The following COL5A1 variants were observed in gnomAD, a reference collection of about 807,000 sequenced individuals.
COL5A1 encodes the protein collagen alpha-1(V) chain.
A neutral mutation model predicts 263.7 loss-of-function variants in COL5A1; 16 were observed. The ratio of observed to expected loss-of-function variants is 0.06; its 90% CI spans 0.04 to 0.09. The LOEUF (loss-of-function observed/expected upper bound fraction) is 0.09, where lower values mean the gene tolerates loss of function less well. COL5A1 is among the 10% of genes least tolerant of loss of function. The pLI, the probability that COL5A1 is intolerant of heterozygous loss-of-function variation, is 1.00. For missense variants in COL5A1, 2,036 were observed against 2,540.5 expected (o/e 0.80, Z 4.27); for synonymous variants, 1,012 against 1,004.5 (o/e 1.01, Z -0.14).
rs1209561820 is a variant in COL5A1 at position 134,728,453 on chromosome 9, C to G, written c.787-217C>G. Among the ~76,000 whole-genome samples, 5 of 152,218 alleles carry G rather than the reference C, an allele frequency of 3.3e-5. No homozygotes were observed. In the South Asian group the frequency reaches 1.0e-3, roughly 32 times the overall value. ...TGACTGCTCGAGGGGACCTGGTGTTCCCCCTGCTTTCTCTCTTGTGCTTCT... is the reference window on the plus strand; with the variant it reads ...TGACTGCTCGAGGGGACCTGGTGTTGCCCCTGCTTTCTCTCTTGTGCTTCT... On this transcript the variant is annotated intron_variant, in intron 5 of 65. Coordinates refer to ENST00000371817, the MANE Select transcript of COL5A1 (RefSeq NM_000093.5).
chr9:134,738,346 T>A, intron 9 of COL5A1, 128 bp from the exon 10 acceptor site: 1 of 1,015,380 alleles, frequency 9.8e-7, no homozygotes, highest in Non-Finnish European at 1.5e-6. Flanking sequence ...TGCTCGTGAC[T>A]CCCCAGGACA....
chr9:134,726,157 G>A (rs1304818546), intron 4 of COL5A1, among the ~76,000 whole-genome samples: 1 of 152,236 alleles, frequency 6.6e-6, no homozygotes, highest in Non-Finnish European at 1.5e-5. Flanking sequence ...GCGGGTGAGA[G>A]TGCAGGCTGT....
At chr9:134,810,580 T>C in intron 44 of COL5A1, 1 of 476,180 alleles carries the variant, frequency 2.1e-6, no homozygotes. Context: ...CCTAGAGGGC[T>C]TGGGTTCTGC....
At chr9:134,768,171 C>T (rs915558956) in intron 24 of COL5A1, among the ~76,000 whole-genome samples, 5 of 152,308 alleles carry the variant, frequency 3.3e-5, no homozygotes, top group Non-Finnish European at 5.9e-5. Flanking sequence ...AATGGGGGCA[C>T]TTGGTGGACT....
In COL5A1 at chr9:134,730,400, C is replaced by T. The variant is rs773870913; in HGVS notation, c.1089C>T (p.Asn363=). The T allele has an allele frequency of 1.2e-6, 2 of 1,614,222 alleles. No individual in the cohort carries two copies. Among genetic ancestry groups the T allele is most frequent in the Admixed American group, 3.3e-5 (2 of 60,034 alleles). ...DDLTYGEGEE[N]PDQPTDPGAG... ...TCACCTATGGCGAGGGGGAGGAGAA[C>T]CCCGACCAGCCCACAGACCCAGGCG... is the stretch of plus-strand genomic sequence containing the variant. The change falls in exon 7 of 66, where the codon AAC becomes AAT. Residue 363 remains asparagine, a synonymous_variant. Coordinates refer to ENST00000371817, the MANE Select transcript of COL5A1 (RefSeq NM_000093.5).
intron 4 of COL5A1, among the ~76,000 whole-genome samples, chr9:134,707,126 C>T (rs1205990759): frequency 6.6e-6 from 1 of 152,176 alleles, no homozygotes; most frequent in Non-Finnish European, 1.5e-5. Context: ...AAGGCCCCTC[C>T]TCTGTGGGTG....
chr9:134,728,549 C>G, intron 5 of COL5A1, 121 bp from the exon 6 acceptor site: 1 of 1,437,950 alleles, frequency 7.0e-7, no homozygotes. Flanking sequence ...CAGGGAGGTT[C>G]ACGCCTGGGG....
Position 134,788,303 on chromosome 9 carries a change from G to T in COL5A1, c.2647-852G>T, listed in dbSNP as rs1263587036. On this transcript the variant is annotated intron_variant, in intron 31 of 65. Transcript: ENST00000371817. The stretch of plus-strand genomic sequence containing the variant: ...GGATGGGTGGGCAGGTAAGTAGACA[G>T]GTCGATGAATGGAGGGGTGGGTTTA... 3.3e-5 allele frequency among the ~76,000 whole-genome samples: 5 copies of T among 150,374 alleles called. No homozygotes were observed. In the South Asian group the frequency reaches 1.1e-3, roughly 32 times the overall value.
In COL5A1 at chr9:134,842,391, G is replaced by C; in HGVS notation, c.*88G>C. 6.7e-7 allele frequency: 1 copy of C among 1,489,514 alleles called. No homozygotes were observed. The highest frequency in any genetic ancestry group is 9.2e-7 in the Non-Finnish European group (1 of 1,087,430). 92.3% of individuals were successfully genotyped at this position (1,489,514 alleles called of 1,614,324 possible). On this transcript the variant is annotated 3_prime_UTR_variant, in exon 66 of 66. Transcript: ENST00000371817. This position sits in a 1 kb window ranked among gnomAD's most constrained non-coding sequence, Gnocchi z 5.8. The stretch of plus-strand genomic sequence containing the variant: ...GTGTCCCGTGCACGTCCTGACCCTG[G>C]ACAGTGAAGGCTTCTCCCTCCCCTC...
In COL5A1 at chr9:134,642,457, G is replaced by A; in HGVS notation, c.109+161G>A. ...CATTTGCTGGGGGCCCCCCCGAGATGACGACACGCAGACACAATGCCCGCG... is the reference window on the plus strand; with the variant it reads ...CATTTGCTGGGGGCCCCCCCGAGATAACGACACGCAGACACAATGCCCGCG... On this transcript the variant is annotated intron_variant, in intron 1 of 65. Transcript: ENST00000371817. This position sits in a 1 kb window ranked among gnomAD's most constrained non-coding sequence, Gnocchi z 4.5. Among the ~76,000 whole-genome samples the A allele has an allele frequency of 6.8e-6, 1 of 147,670 alleles. No homozygotes were observed. The highest frequency in any genetic ancestry group is 2.2e-4 in the East Asian group (1 of 4,612).
intron 4 of COL5A1, among the ~76,000 whole-genome samples, chr9:134,714,250 T>C (rs985496870): frequency 1.3e-5 from 2 of 151,960 alleles, no homozygotes; most frequent in African/African-American, 2.4e-5. Context: ...GATCCAGGAC[T>C]GTTGATGATG....
At chr9:134,819,780 C>T (rs535585451) in intron 57 of COL5A1, among the ~76,000 whole-genome samples, 4 of 152,292 alleles carry the variant, frequency 2.6e-5, no homozygotes, top group East Asian at 1.9e-4. Flanking sequence ...TAGGAGCAGG[C>T]GTTCGGATTT....
chr9:134,659,665 A>G (rs1832139789), intron 1 of COL5A1, among the ~76,000 whole-genome samples: 1 of 152,062 alleles, frequency 6.6e-6, no homozygotes, highest in African/African-American at 2.4e-5. Context: ...CTGCATCACC[A>G]TGGCCCTGGT....
In COL5A1 at chr9:134,811,372, A is replaced by C. The variant is rs1588577285; in HGVS notation, c.3562A>C (p.Ile1188Leu). The C allele has an allele frequency of 2.5e-6, 4 of 1,612,666 alleles. No individual in the cohort carries two copies. The highest frequency in any genetic ancestry group is 3.4e-6 in the Non-Finnish European group (4 of 1,179,580). ...PPGPTGPQGP[I>L]GQPGPSGADG... ...TGGGCCTACAGGTCCTCAAGGCCCC[A>C]TCGGACAGCCAGGCCCCTCTGTGAG... Residue 1188 changes from isoleucine (I) to leucine (L), a missense_variant, in exon 45 of 66, where the codon ATC (isoleucine) becomes CTC (leucine). Ile to Leu is a conservative substitution (Grantham distance 5). Around this residue, in one of 3 missense-constraint regions of COL5A1, gnomAD observed 1,078 missense variants for 1,521.4 expected, o/e 0.71. Coordinates refer to ENST00000371817, the MANE Select transcript of COL5A1 (RefSeq NM_000093.5).
At chr9:134,722,861 T>C (rs1291247993) in intron 4 of COL5A1, among the ~76,000 whole-genome samples, 1 of 151,908 alleles carries the variant, frequency 6.6e-6, no homozygotes, top group Non-Finnish European at 1.5e-5. Context: ...GGTGGGCAGC[T>C]CTGCTGGCCT....
intron 4 of COL5A1, among the ~76,000 whole-genome samples, chr9:134,726,809 T>A (rs1206018219): frequency 7.1e-6 from 1 of 140,056 alleles, no homozygotes; most frequent in Non-Finnish European, 1.5e-5. Context: ...TGCAGATGGA[T>A]TGATGGATGA....
intron 11 of COL5A1, among the ~76,000 whole-genome samples, chr9:134,747,544 C>T (rs548439041): frequency 5.1e-4 from 71 of 138,622 alleles, no homozygotes; most frequent in African/African-American, 1.9e-3. Flanking sequence ...TCCACACACA[C>T]CTGCATATGC....
chr9:134,711,227 C>T (rs918074766), intron 4 of COL5A1, among the ~76,000 whole-genome samples: 19 of 152,180 alleles, frequency 1.2e-4, no homozygotes, highest in Middle Eastern at 3.4e-3. Flanking sequence ...GTTTCTCCCC[C>T]GTCTAAGGGA....
intron 11 of COL5A1, among the ~76,000 whole-genome samples, chr9:134,744,797 A>C (rs920085953): frequency 2.0e-5 from 3 of 151,780 alleles, no homozygotes; most frequent in African/African-American, 7.3e-5. Flanking sequence ...ATACACCCAC[A>C]CATGTACACA....
Sources: allele counts gnomAD v4.1 joint callset (sites outside exome capture counted in the v4.1 genomes callset), GRCh38; gene constraint gnomAD v4.1.1; regional missense constraint gnomAD v4.1.1; non-coding constraint Gnocchi (gnomAD v3.1); transcripts MANE v1.5; gene names NCBI Gene and HGNC (gene_info 2026-07-23, HGNC 2026-07-21).